Variants in KIF15 observed in about 807,000 individuals in gnomAD.
KIF15 encodes the protein kinesin-like protein KIF15.
In KIF15, 140 loss-of-function variants were observed where a neutral mutation model predicts 190.6. The ratio of observed to expected loss-of-function variants is 0.73; its 90% CI spans 0.64 to 0.84. KIF15 has a LOEUF of 0.84. Ranked by LOEUF, KIF15 falls within the 40% of genes least tolerant of loss-of-function variation. KIF15 has a pLI of 0.00. For synonymous variants in KIF15, 528 were observed against 551.3 expected, an observed-to-expected ratio of 0.96 and a Z score of 0.59; for missense variants, 1,372 against 1,584.4, an observed-to-expected ratio of 0.87 and a Z score of 2.28.
At chr3:44,839,758 T>C (rs1186262167) in intron 27 of KIF15, among the ~76,000 whole-genome samples, 2 of 152,230 alleles carry the variant, frequency 1.3e-5, no homozygotes, top group East Asian at 3.8e-4. Flanking sequence ...ATTCCACATA[T>C]AAGTGAGATT....
Position 44,809,678 on chromosome 3 carries a change from C to T in KIF15, c.1972-1168C>T, listed in dbSNP as rs571570520. Among the ~76,000 whole-genome samples the T allele has an allele frequency of 2.7e-5, 4 of 150,316 alleles. No homozygotes were observed. In the East Asian group the frequency reaches 5.8e-4, roughly 22 times the overall value. On this transcript the variant is annotated intron_variant, in intron 16 of 34. Coordinates refer to ENST00000326047, the MANE Select transcript of KIF15 (RefSeq NM_020242.3). ...TGGGCAACATAGTAAGACCCTACCTCTGCAAAAAAAAAAAAAATTTAAATT... is the reference window on the plus strand; with the variant it reads ...TGGGCAACATAGTAAGACCCTACCTTTGCAAAAAAAAAAAAAATTTAAATT...
Position 44,812,307 on chromosome 3 carries a change from G to A in KIF15, c.2277+18G>A, listed in dbSNP as rs774815462. 6 of 1,569,564 alleles carry A rather than the reference G, an allele frequency of 3.8e-6. No individual in the cohort carries two copies. In the East Asian group the frequency reaches 6.7e-5, roughly 18 times the overall value. On this transcript the variant is annotated intron_variant, in intron 18 of 34. Transcript: ENST00000326047. ...TGCAGGAGGTGAGACCAAGAGCACA[G>A]CCTCAGAAAATGTATGAAGTACCCT...
intron 34 of KIF15, 145 bp downstream of exon 34, chr3:44,852,484 G>C: frequency 1.1e-6 from 1 of 894,436 alleles, no homozygotes; most frequent in Non-Finnish European, 1.6e-6. Context: ...AAAGTTGGTC[G>C]TTGCTATTCT....
intron 10 of KIF15, chr3:44,799,366 T>C (rs1707147128): frequency 2.2e-6 from 1 of 455,842 alleles, no homozygotes; most frequent in Non-Finnish European, 4.4e-6. Context: ...TATTTAAATT[T>C]TTCCGTGAGC....
At chr3:44,861,153 G>A (rs1020967568) in intron 6 of KIF15, among the ~76,000 whole-genome samples, 2 of 151,474 alleles carry the variant, frequency 1.3e-5, no homozygotes, top group Non-Finnish European at 2.9e-5. Context: ...CACCACGCCC[G>A]GCTAATTTTG....
chr3:44,812,999 A>C (rs1707863652), intron 18 of KIF15, 76 bp from the exon 19 acceptor site: 6 of 873,310 alleles, frequency 6.9e-6, no homozygotes, highest in Non-Finnish European at 1.1e-5. Context: ...AAAAAAAAAG[A>C]AACAGGTTAA....
At chr3:44,798,081 T>G (rs753181280) in intron 10 of KIF15, 125 bp downstream of exon 10, 7 of 874,808 alleles carry the variant, frequency 8.0e-6, no homozygotes, top group African/African-American at 6.9e-5. Context: ...ATGCAAAATT[T>G]CTATTTTATC....
intron 1 of KIF15, among the ~76,000 whole-genome samples, chr3:44,769,436 C>T (rs1705551482): frequency 6.6e-6 from 1 of 152,114 alleles, no homozygotes; most frequent in South Asian, 2.1e-4. Flanking sequence ...TCAAAGGGTG[C>T]CACCCATGAA....
chr3:44,839,322 G>A (rs1698477994), intron 27 of KIF15, among the ~76,000 whole-genome samples: 1 of 151,318 alleles, frequency 6.6e-6, no homozygotes, highest in Admixed American at 6.6e-5. Flanking sequence ...GCAGTGAGCC[G>A]AGATCGCGCC....
At chr3:44,810,219 A>G (rs1052982691) in intron 16 of KIF15, among the ~76,000 whole-genome samples, 19 of 152,088 alleles carry the variant, frequency 1.2e-4, no homozygotes, top group Non-Finnish European at 2.5e-4. Flanking sequence ...GTATTTTTAT[A>G]TCAGATGGGG....
intron 29 of KIF15, among the ~76,000 whole-genome samples, chr3:44,842,572 T>A (rs536645074): frequency 6.6e-6 from 1 of 152,364 alleles, no homozygotes; most frequent in East Asian, 1.9e-4. Context: ...CAGTATGCTA[T>A]CTCAGGAATG....
At chr3:44,791,223 A>C (rs1376963071) in intron 7 of KIF15, among the ~76,000 whole-genome samples, 3 of 150,310 alleles carry the variant, frequency 2.0e-5, no homozygotes, top group Non-Finnish European at 4.4e-5. Context: ...ATTGAAAAAA[A>C]CTCTTTTTCC....
In KIF15 at chr3:44,826,374, G is replaced by A; in HGVS notation, c.2701-1G>A. ...ACTTAAAATCTAATGTTGTCTTTTAGAATTTGATGGAGCTTCTTGAGGCAG... is the reference window on the plus strand; with the variant it reads ...ACTTAAAATCTAATGTTGTCTTTTAAAATTTGATGGAGCTTCTTGAGGCAG... On this transcript the variant is annotated splice_acceptor_variant, in intron 21 of 34. Transcript: ENST00000326047. LOFTEE classifies it high-confidence loss of function. The A allele has an allele frequency of 6.2e-7, 1 of 1,610,938 alleles. No individual in the cohort carries two copies. The highest frequency in any genetic ancestry group is 8.5e-7 in the Non-Finnish European group (1 of 1,178,498).
intron 10 of KIF15, among the ~76,000 whole-genome samples, chr3:44,798,630 C>T (rs768545618): frequency 9.9e-5 from 15 of 152,100 alleles, no homozygotes; most frequent in Non-Finnish European, 1.9e-4. Context: ...TCTCAAACTC[C>T]TAGGTTCAAG....
intron 20 of KIF15, among the ~76,000 whole-genome samples, chr3:44,820,329 T>C (rs1327719174): frequency 1.3e-5 from 2 of 150,382 alleles, no homozygotes; most frequent in Non-Finnish European, 2.9e-5. Context: ...GCAGTTTCTT[T>C]TTTTTTTCCT....
intron 6 of KIF15, chr3:44,865,234 G>T: frequency 6.2e-7 from 1 of 1,611,128 alleles, no homozygotes; most frequent in Non-Finnish European, 8.5e-7. Context: ...GCCCAGCCTT[G>T]GGATGTCATG....
At chr3:44,784,539 T>C (rs887985803) in intron 5 of KIF15, among the ~76,000 whole-genome samples, 4 of 152,204 alleles carry the variant, frequency 2.6e-5, no homozygotes, top group African/African-American at 9.7e-5. Flanking sequence ...TTGAGAACTC[T>C]GCAGCTTAAG....
intron 33 of KIF15, 127 bp from the exon 34 acceptor site, chr3:44,852,080 AG>A: frequency 7.1e-7 from 1 of 1,413,416 alleles, no homozygotes; most frequent in South Asian, 1.4e-5. Flanking sequence ...AAGAGTTGTG[AG>A]GCCTTGAAAG....
intron 30 of KIF15, among the ~76,000 whole-genome samples, chr3:44,845,670 G>C (rs567318504): frequency 6.6e-6 from 1 of 152,170 alleles, no homozygotes; most frequent in Admixed American, 6.5e-5. Flanking sequence ...GAGTCAGGAG[G>C]CCCTAAAAAA....
Sources: gnomAD v4.1 joint callset for allele counts (sites outside exome capture counted in the v4.1 genomes callset) on GRCh38, gnomAD v4.1.1 for gene constraint, MANE v1.5 for transcripts, NCBI Gene and HGNC (gene_info 2026-07-23, HGNC 2026-07-21) for gene names.